The following KCNMB4 variants were observed in gnomAD, a reference collection of about 807,000 sequenced individuals.
KCNMB4 encodes the protein potassium calcium-activated channel subfamily M regulatory beta subunit 4, also known as calcium-activated potassium channel subunit beta-4.
A neutral mutation model predicts 20.7 loss-of-function variants in KCNMB4; 3 were observed. The observed-to-expected ratio is 0.14, with a 90% CI of 0.07 to 0.37. The LOEUF (loss-of-function observed/expected upper bound fraction) is 0.37, where lower values mean the gene tolerates loss of function less well. Among genes scored for constraint, KCNMB4 ranks in the 10% least tolerant of loss-of-function variants. The pLI is 1.00. For synonymous variants in KCNMB4, 110 were observed against 113.4 expected (o/e 0.97, Z 0.19); for missense variants, 168 against 265.9 (o/e 0.63, Z 2.56).
At chr12:70,398,967 TTAAAA>T (rs1341295625) in intron 1 of KCNMB4, among the ~76,000 whole-genome samples, 2 of 152,142 alleles carry the variant, frequency 1.3e-5, no homozygotes, top group Non-Finnish European at 2.9e-5. Context: ...AACTTGAAGC[TTAAAA>T]TAAAGGAGAT....
intron 2 of KCNMB4, among the ~76,000 whole-genome samples, chr12:70,419,680 TAAAA>T (rs1868999516): frequency 6.6e-6 from 1 of 152,128 alleles, no homozygotes; most frequent in African/African-American, 2.4e-5. Flanking sequence ...CATTGTATCA[TAAAA>T]GAACTGAGTA....
intron 1 of KCNMB4, among the ~76,000 whole-genome samples, chr12:70,380,374 TATA>T (rs1883761677): frequency 6.6e-6 from 1 of 152,054 alleles, no homozygotes; most frequent in African/African-American, 2.4e-5. Flanking sequence ...CCATAACAGA[TATA>T]ATAATCATGA....
intron 1 of KCNMB4, among the ~76,000 whole-genome samples, chr12:70,378,714 T>G (rs1459147903): frequency 6.6e-6 from 1 of 152,032 alleles, no homozygotes. Flanking sequence ...TTTTTGTATT[T>G]TTAGTAGAGA....
chr12:70,412,456 T>C (rs902084384), intron 2 of KCNMB4, among the ~76,000 whole-genome samples: 53 of 152,340 alleles, frequency 3.5e-4, no homozygotes, highest in African/African-American at 1.2e-3. Flanking sequence ...TGCTTAGAAA[T>C]AGGCATCTGA....
chr12:70,419,474 A>T (rs961077425), intron 2 of KCNMB4, among the ~76,000 whole-genome samples: 4 of 152,210 alleles, frequency 2.6e-5, no homozygotes, highest in African/African-American at 9.6e-5. Context: ...GTATCAAAAC[A>T]ACAAGAAGAA....
chr12:70,391,916 G>A (rs551838170), intron 1 of KCNMB4, among the ~76,000 whole-genome samples: 24 of 152,226 alleles, frequency 1.6e-4, no homozygotes, highest in Non-Finnish European at 5.9e-5. Flanking sequence ...CACATTGTAA[G>A]AGTATGTGAA....
At chr12:70,430,390 G>A (rs1869331163) in intron 2 of KCNMB4, 95 bp from the exon 3 acceptor site, 1 of 1,283,790 alleles carries the variant, frequency 7.8e-7, no homozygotes, top group Non-Finnish European at 1.1e-6. Context: ...TTCAATAATG[G>A]TTATGGAAAG....
At chr12:70,370,128 A>G (rs1398521254) in intron 1 of KCNMB4, among the ~76,000 whole-genome samples, 1 of 152,058 alleles carries the variant, frequency 6.6e-6, no homozygotes, top group Non-Finnish European at 1.5e-5. Flanking sequence ...GATGTTTTTT[A>G]AAAGTTCTGT....
In KCNMB4 at chr12:70,398,691, C is replaced by T. The variant is rs528095133; in HGVS notation, c.337-1518C>T. Among the ~76,000 whole-genome samples the T allele has an allele frequency of 2.6e-5, 4 of 152,148 alleles. No homozygotes were observed. In the South Asian group the frequency reaches 6.2e-4, roughly 24 times the overall value. ...TCATCATCTTGAATAAAAATGTATC[C>T]GTGTTATCATTAACGAATTCAACCA... On this transcript the variant is annotated intron_variant, in intron 1 of 2. Transcript: ENST00000258111.
chr12:70,412,447 G>A (rs1308903816), intron 2 of KCNMB4, among the ~76,000 whole-genome samples: 2 of 152,180 alleles, frequency 1.3e-5, no homozygotes, highest in Admixed American at 1.3e-4. Context: ...ACACTTACAT[G>A]CTTAGAAATA....
chr12:70,402,486 T>A (rs1868480222), intron 2 of KCNMB4, among the ~76,000 whole-genome samples: 1 of 151,134 alleles, frequency 6.6e-6, no homozygotes, highest in African/African-American at 2.4e-5. Context: ...CTACAAAAAA[T>A]TTTAAAAATT....
At chr12:70,379,231 G>T (rs1264844591) in intron 1 of KCNMB4, among the ~76,000 whole-genome samples, 5 of 152,196 alleles carry the variant, frequency 3.3e-5, no homozygotes, top group African/African-American at 1.2e-4. Context: ...TCTAACAAGA[G>T]TCAGCCTGTT....
intron 2 of KCNMB4, among the ~76,000 whole-genome samples, chr12:70,424,746 G>C (rs143752133): frequency 9.4e-5 from 14 of 148,608 alleles, no homozygotes; most frequent in Admixed American, 9.4e-4. Flanking sequence ...GCAAAACTCC[G>C]TCTCAAAAAA....
intron 2 of KCNMB4, among the ~76,000 whole-genome samples, chr12:70,402,301 T>G (rs1206872522): frequency 6.6e-6 from 1 of 152,070 alleles, no homozygotes; most frequent in Non-Finnish European, 1.5e-5. Flanking sequence ...ATCAGAATTT[T>G]GACTCAAAGC....
rs73328308 is a variant in KCNMB4, at chr12:70,432,947, A to G, written c.*2294A>G. 550 of 152,290 alleles carry G rather than the reference A, an allele frequency of 3.6e-3. 2 individuals are homozygous for G. The highest frequency in any genetic ancestry group is 0.012 in the African/African-American group (507 of 41,568). The allele number at this position is 152,290 out of a possible 1,614,324, so 9.4% of individuals were successfully genotyped here. ...ATATCAATCTTAGTTTTCATTTATC[A>G]GTTTGATATTCATGCATTTACACTA... On this transcript the variant is annotated 3_prime_UTR_variant, in exon 3 of 3. Transcript: ENST00000258111.
At chr12:70,384,409 T>A (rs748646225) in intron 1 of KCNMB4, among the ~76,000 whole-genome samples, 7 of 152,204 alleles carry the variant, frequency 4.6e-5, no homozygotes, top group Non-Finnish European at 1.0e-4. Context: ...AAGATAAAAC[T>A]ACCTTCTTAC....
chr12:70,424,059 G>A (rs1869142107), intron 2 of KCNMB4, among the ~76,000 whole-genome samples: 1 of 152,170 alleles, frequency 6.6e-6, no homozygotes, highest in Non-Finnish European at 1.5e-5. Context: ...ACTTAGTAGG[G>A]AAAAGGGAGA....
chr12:70,384,921 T>C (rs1158405075), intron 1 of KCNMB4, among the ~76,000 whole-genome samples: 1 of 148,712 alleles, frequency 6.7e-6, no homozygotes. Flanking sequence ...AAAAGGCCCA[T>C]GTGCCTGAAT....
intron 2 of KCNMB4, among the ~76,000 whole-genome samples, chr12:70,429,031 G>T (rs919784787): frequency 2.6e-5 from 4 of 152,188 alleles, no homozygotes; most frequent in Non-Finnish European, 5.9e-5. Context: ...CAAGGATTTT[G>T]TAATTTCAAA....
Sources: gnomAD v4.1 joint callset for allele counts (sites outside exome capture counted in the v4.1 genomes callset) on GRCh38, gnomAD v4.1.1 for gene constraint, MANE v1.5 for transcripts, NCBI Gene and HGNC (gene_info 2026-07-23, HGNC 2026-07-21) for gene names.